Variants in ADGRL3 observed in about 807,000 individuals in gnomAD.
ADGRL3 encodes the protein adhesion G protein-coupled receptor L3.
A neutral mutation model predicts 153.5 loss-of-function variants in ADGRL3; 62 were observed. The observed-to-expected ratio is 0.40, with a 90% CI of 0.33 to 0.50. ADGRL3 has a LOEUF of 0.50. Among genes scored for constraint, ADGRL3 ranks in the 20% least tolerant of loss-of-function variants. The probability of loss-of-function intolerance (pLI) is 0.47; values close to 1 mark genes in which losing one functional copy is unlikely to be tolerated. For missense variants in ADGRL3, 1,641 were observed against 1,859.4 expected, an observed-to-expected ratio of 0.88 and a Z score of 2.16; for synonymous variants, 710 against 672.5, an observed-to-expected ratio of 1.06 and a Z score of -0.86.
intron 26 of ADGRL3, among the ~76,000 whole-genome samples, chr4:62,069,450 C>G: frequency 6.6e-6 from 1 of 151,924 alleles, no homozygotes; most frequent in Non-Finnish European, 1.5e-5. Context: ...GAAAATTCCT[C>G]GGTGTAAATT....
rs1733548323 is a variant in ADGRL3 at position 62,050,561 on chromosome 4, G to A, written c.3814+6012G>A. Among the ~76,000 whole-genome samples, 2 of 151,862 alleles carry A rather than the reference G, an allele frequency of 1.3e-5. 1 individual carries two copies. Among genetic ancestry groups the A allele is most frequent in the South Asian group, 4.1e-4 (2 of 4,820 alleles). ...TCACCTGCCATTCCATTAATATTCAGGCTTCTAAACATATTTTGCTTTTAT... is the reference window on the plus strand; with the variant it reads ...TCACCTGCCATTCCATTAATATTCAAGCTTCTAAACATATTTTGCTTTTAT... On this transcript the variant is annotated intron_variant, in intron 25 of 26. Coordinates refer to ENST00000683033, the MANE Select transcript of ADGRL3 (RefSeq NM_001387552.1).
chr4:62,007,381 T>TATATATATATATATATAC (rs1553908589), intron 21 of ADGRL3, among the ~76,000 whole-genome samples: 1 of 9,296 alleles, frequency 1.1e-4, no homozygotes, highest in East Asian at 0.012. Context: ...TATATATATA[T>TATATATATATATATATAC]ATACACACAC....
At chr4:61,737,004 G>A (rs1227778256) in intron 8 of ADGRL3, among the ~76,000 whole-genome samples, 1 of 152,126 alleles carries the variant, frequency 6.6e-6, no homozygotes, top group East Asian at 1.9e-4. Context: ...AACGTTAATA[G>A]AGGCTGTTTA....
chr4:62,016,419 G>A (rs1184603169), intron 21 of ADGRL3, among the ~76,000 whole-genome samples: 6 of 152,048 alleles, frequency 3.9e-5, no homozygotes, highest in Admixed American at 3.3e-4. Flanking sequence ...CTCTTTGAAG[G>A]ATATTTTCCA....
chr4:62,003,598 T>G (rs2099147897), intron 21 of ADGRL3, among the ~76,000 whole-genome samples: 1 of 152,256 alleles, frequency 6.6e-6, no homozygotes, highest in East Asian at 1.9e-4. Flanking sequence ...AGCATATAAT[T>G]TGTTGCCCGT....
chr4:62,019,881 A>T (rs935494454), intron 21 of ADGRL3, among the ~76,000 whole-genome samples: 4 of 152,120 alleles, frequency 2.6e-5, no homozygotes, highest in African/African-American at 9.7e-5. Context: ...TCTTGAGTCT[A>T]CTCAACTCTA....
chr4:61,620,666 G>T, intron 5 of ADGRL3, among the ~76,000 whole-genome samples: 1 of 126,212 alleles, frequency 7.9e-6, no homozygotes. Context: ...TTTTGAGATG[G>T]AGTCTGGCTC....
At chr4:61,777,193 C>A (rs1344622620) in intron 8 of ADGRL3, among the ~76,000 whole-genome samples, 1 of 151,904 alleles carries the variant, frequency 6.6e-6, no homozygotes, top group Non-Finnish European at 1.5e-5. Context: ...ATTAGCCGGG[C>A]GTGGTGGCGG....
intron 6 of ADGRL3, among the ~76,000 whole-genome samples, chr4:61,684,630 C>T (rs150889926): frequency 0.01 from 1,561 of 152,144 alleles, 29 homozygotes; most frequent in African/African-American, 0.035. Context: ...GAGGGGTTCC[C>T]TAGGCCTCCG....
chr4:61,657,327 A>C (rs1201994928), intron 5 of ADGRL3, among the ~76,000 whole-genome samples: 1 of 152,114 alleles, frequency 6.6e-6, no homozygotes, highest in Non-Finnish European at 1.5e-5. Context: ...CAGCACACTC[A>C]AACTTCATAT....
At chr4:61,613,729 G>T (rs1437694430) in intron 5 of ADGRL3, among the ~76,000 whole-genome samples, 1 of 152,196 alleles carries the variant, frequency 6.6e-6, no homozygotes, top group Non-Finnish European at 1.5e-5. Flanking sequence ...GGGTGACAGA[G>T]CTAGATTCCA....
intron 1 of ADGRL3, among the ~76,000 whole-genome samples, chr4:61,254,539 C>A (rs925088746): frequency 1.3e-5 from 2 of 152,140 alleles, no homozygotes; most frequent in African/African-American, 4.8e-5. Context: ...GCATACTCTT[C>A]AACATCATGC....
At chr4:61,272,295 C>T (rs541944053) in intron 1 of ADGRL3, among the ~76,000 whole-genome samples, 2 of 150,340 alleles carry the variant, frequency 1.3e-5, no homozygotes, top group South Asian at 4.2e-4. Flanking sequence ...ATTTTCATGA[C>T]AAAAAAATCA....
chr4:61,687,166 A>G (rs2095462008), intron 6 of ADGRL3, among the ~76,000 whole-genome samples: 1 of 151,952 alleles, frequency 6.6e-6, no homozygotes, highest in Non-Finnish European at 1.5e-5. Flanking sequence ...AATAAAATCC[A>G]AAGTCAAATA....
chr4:61,929,694 T>C (rs753202485), intron 13 of ADGRL3, among the ~76,000 whole-genome samples: 1 of 152,120 alleles, frequency 6.6e-6, no homozygotes, highest in Non-Finnish European at 1.5e-5. Context: ...AGGTTTAAGA[T>C]AGTTGTGCAG....
At position 61,236,141 on chromosome 4, in the gene ADGRL3, G is replaced by T. The variant is rs548966315; in HGVS notation, c.-240+34376G>T. ...TCTCCTGTCTCAACCTCCCAAGTAG[G>T]TGGGATTACAGGTGCCCACCACTAC... On this transcript the variant is annotated intron_variant, in intron 1 of 26. Coordinates refer to ENST00000683033, the MANE Select transcript of ADGRL3 (RefSeq NM_001387552.1). Among the ~76,000 whole-genome samples the T allele has an allele frequency of 4.6e-5, 7 of 150,834 alleles. No homozygotes were observed. The South Asian group carries it at 1.5e-3, about 32-fold the overall frequency.
At chr4:61,481,341 G>A (rs2098129756) in intron 2 of ADGRL3, among the ~76,000 whole-genome samples, 1 of 152,142 alleles carries the variant, frequency 6.6e-6, no homozygotes, top group South Asian at 2.1e-4. Flanking sequence ...GAGGATGCCA[G>A]TATTTAGGGC....
chr4:61,516,501 A>G (rs949204940), intron 3 of ADGRL3, among the ~76,000 whole-genome samples: 2 of 152,016 alleles, frequency 1.3e-5, no homozygotes, highest in Admixed American at 6.5e-5. Context: ...TCATGTATCA[A>G]TTTATCAAAA....
At chr4:61,632,302 G>T (rs191594586) in intron 5 of ADGRL3, among the ~76,000 whole-genome samples, 2 of 152,188 alleles carry the variant, frequency 1.3e-5, no homozygotes, top group African/African-American at 4.8e-5. Context: ...TATATATATT[G>T]TGAAAGTCAC....
Sources: gnomAD v4.1 joint callset for allele counts (sites outside exome capture counted in the v4.1 genomes callset) on GRCh38, gnomAD v4.1.1 for gene constraint, MANE v1.5 for transcripts, NCBI Gene and HGNC (gene_info 2026-07-23, HGNC 2026-07-21) for gene names.